The following PCSK5 variants were observed in gnomAD, a reference collection of about 807,000 sequenced individuals.
PCSK5 encodes the protein proprotein convertase subtilisin/kexin type 5.
PCSK5 carries 129 observed loss-of-function variants against 233.2 expected under a neutral mutation model. The observed-to-expected ratio is 0.55, with a 90% CI of 0.48 to 0.64. The LOEUF (loss-of-function observed/expected upper bound fraction) is 0.64, where lower values mean the gene tolerates loss of function less well. Among genes scored for constraint, PCSK5 ranks in the 30% least tolerant of loss-of-function variants. The probability of loss-of-function intolerance (pLI) is 0.00; values close to 1 mark genes in which losing one functional copy is unlikely to be tolerated. For synonymous variants in PCSK5, 825 were observed against 879.2 expected, an observed-to-expected ratio of 0.94 and a Z score of 1.09; for missense variants, 2,076 against 2,430.1, an observed-to-expected ratio of 0.85 and a Z score of 3.06.
Position 76,185,183 on chromosome 9 carries a change from CTCTTA to C in PCSK5, c.2282+432_2282+436del, listed in dbSNP as rs201571845. Among the ~76,000 whole-genome samples, 1,168 of 152,294 alleles carry C rather than the reference CTCTTA, an allele frequency of 7.7e-3. 11 individuals are homozygous for C. Among genetic ancestry groups the C allele is most frequent in the Non-Finnish European group, 0.012 (794 of 68,024 alleles). ...ATTTCTCTCCACATAGCCAATCATTCTCTTATCTTAAGTATCTCAGGCTTGGTTCC... is the reference window on the plus strand; with the variant it reads ...ATTTCTCTCCACATAGCCAATCATTCTCTTAAGTATCTCAGGCTTGGTTCC... On this transcript the variant is annotated intron_variant, in intron 17 of 37. Transcript: ENST00000674117.
At position 76,213,955 on chromosome 9, in the gene PCSK5, C is replaced by CA. The variant is rs1242238747; in HGVS notation, c.2627-13541dup. The stretch of plus-strand genomic sequence containing the variant: ...GCAATCTGATTTGCAGTTCAACAAA[C>CA]AAAAAAATGGAATGAATTCCTCACA... On this transcript the variant is annotated intron_variant, in intron 20 of 37. Transcript: ENST00000674117. 2.6e-5 allele frequency among the ~76,000 whole-genome samples: 4 copies of CA among 151,970 alleles called. No homozygotes were observed. The East Asian group carries it at 5.8e-4, about 22-fold the overall frequency.
chr9:76,251,691 C>CA (rs1434760034), intron 24 of PCSK5, among the ~76,000 whole-genome samples: 1 of 151,782 alleles, frequency 6.6e-6, no homozygotes, highest in Non-Finnish European at 1.5e-5. Context: ...TGAATACTTA[C>CA]TAATGTGCCA....
intron 30 of PCSK5, among the ~76,000 whole-genome samples, chr9:76,314,360 AT>A (rs1228503806): frequency 1.3e-5 from 2 of 150,960 alleles, no homozygotes; most frequent in Non-Finnish European, 2.9e-5. Flanking sequence ...TTATAGCGGA[AT>A]CCCTCATCTT....
Position 75,955,427 on chromosome 9 carries a change from T to C in PCSK5, c.297+22944T>C, listed in dbSNP as rs552547759. ...ACGTGCTTTGTAGTCATTTTTGAAATGATTTAACTAATTTTAAAGAGCTTA... is the reference window on the plus strand; with the variant it reads ...ACGTGCTTTGTAGTCATTTTTGAAACGATTTAACTAATTTTAAAGAGCTTA... On this transcript the variant is annotated intron_variant, in intron 2 of 37. Transcript: ENST00000674117. Among the ~76,000 whole-genome samples, 3 of 152,322 alleles carry C rather than the reference T, an allele frequency of 2.0e-5. No individual in the cohort carries two copies. In the East Asian group the frequency reaches 5.8e-4, roughly 29 times the overall value.
intron 5 of PCSK5, among the ~76,000 whole-genome samples, chr9:76,055,515 T>A (rs1829788442): frequency 6.6e-6 from 1 of 152,192 alleles, no homozygotes; most frequent in South Asian, 2.1e-4. Flanking sequence ...TTAAGATTAT[T>A]ATTATTTCCT....
intron 8 of PCSK5, among the ~76,000 whole-genome samples, chr9:76,103,972 T>TC (rs1428752641): frequency 2.6e-5 from 4 of 152,180 alleles, no homozygotes; most frequent in Non-Finnish European, 4.4e-5. Context: ...ATCTCTGTGT[T>TC]CCCCACCCTA....
rs906144275 is a variant in PCSK5 at position 76,134,417 on chromosome 9, A to G, written c.1312+205A>G. Among the ~76,000 whole-genome samples, 3 of 152,006 alleles carry G rather than the reference A, an allele frequency of 2.0e-5. No homozygotes were observed. In the South Asian group the frequency reaches 6.2e-4, roughly 31 times the overall value. On this transcript the variant is annotated intron_variant, in intron 10 of 37. Transcript: ENST00000674117. Reference sequence around the variant, plus strand: ...ATAAGGGAGATTTCTTTGGCTTCCCACATCATAGGTCAATTTTTTTAAAAG... The same window carrying G: ...ATAAGGGAGATTTCTTTGGCTTCCCGCATCATAGGTCAATTTTTTTAAAAG...
chr9:76,028,301 A>G (rs1274834374), intron 5 of PCSK5, among the ~76,000 whole-genome samples: 1 of 152,206 alleles, frequency 6.6e-6, no homozygotes, highest in Non-Finnish European at 1.5e-5. Flanking sequence ...TTTTACCAAG[A>G]CAGGGGAACT....
At chr9:76,029,416 T>G (rs1014009514) in intron 5 of PCSK5, among the ~76,000 whole-genome samples, 2 of 152,160 alleles carry the variant, frequency 1.3e-5, no homozygotes, top group Admixed American at 1.3e-4. Context: ...ACAACAGGTG[T>G]ACTGTAGTTT....
intron 5 of PCSK5, among the ~76,000 whole-genome samples, chr9:76,038,058 TC>T (rs1254064122): frequency 2.0e-5 from 3 of 152,182 alleles, no homozygotes; most frequent in Non-Finnish European, 4.4e-5. Context: ...TGTGGTGACA[TC>T]CTGAGCTGAG....
chr9:76,155,774 AG>A (rs1822549082), intron 10 of PCSK5, among the ~76,000 whole-genome samples: 1 of 152,228 alleles, frequency 6.6e-6, no homozygotes, highest in Non-Finnish European at 1.5e-5. Flanking sequence ...TTCATTGGTC[AG>A]AGAGTACTTC....
chr9:76,192,712 G>GAAACAAAC (rs3077114), intron 20 of PCSK5, among the ~76,000 whole-genome samples: 12 of 148,086 alleles, frequency 8.1e-5, no homozygotes, highest in Admixed American at 8.1e-4. Flanking sequence ...CATAAGCATG[G>GAAACAAAC]AAACAAAACA....
chr9:75,946,793 T>A (rs1165588665), intron 2 of PCSK5, among the ~76,000 whole-genome samples: 1 of 152,178 alleles, frequency 6.6e-6, no homozygotes, highest in Non-Finnish European at 1.5e-5. Context: ...TTTCACTATG[T>A]TGGCCAGGCT....
intron 26 of PCSK5, 41 bp downstream of exon 26, chr9:76,295,452 A>G (rs1414907652): frequency 6.3e-7 from 1 of 1,599,336 alleles, no homozygotes; most frequent in Non-Finnish European, 8.5e-7. Context: ...AGAACCAGGC[A>G]CTGGAGCTCC....
At chr9:76,067,072 G>A (rs1337390929) in intron 5 of PCSK5, among the ~76,000 whole-genome samples, 2 of 152,144 alleles carry the variant, frequency 1.3e-5, no homozygotes, top group Non-Finnish European at 2.9e-5. Context: ...GCTCAGTCAC[G>A]CTTTAGAATT....
intron 2 of PCSK5, among the ~76,000 whole-genome samples, chr9:75,964,913 A>C (rs577350832): frequency 6.6e-6 from 1 of 152,168 alleles, no homozygotes; most frequent in Non-Finnish European, 1.5e-5. Flanking sequence ...GCATTAATCC[A>C]TATTGGTTCA....
At chr9:76,274,043 T>C (rs1827615789) in intron 24 of PCSK5, among the ~76,000 whole-genome samples, 1 of 151,996 alleles carries the variant, frequency 6.6e-6, no homozygotes, top group Admixed American at 6.6e-5. Flanking sequence ...ATTCTCTCAG[T>C]TATCTCTTCG....
At chr9:75,894,277 G>C (rs575493178) in intron 1 of PCSK5, among the ~76,000 whole-genome samples, 1 of 152,154 alleles carries the variant, frequency 6.6e-6, no homozygotes, top group South Asian at 2.1e-4. Flanking sequence ...CATTTGCTCA[G>C]AATATCAATG....
intron 30 of PCSK5, among the ~76,000 whole-genome samples, chr9:76,311,227 G>A (rs1484086050): frequency 6.6e-6 from 1 of 151,968 alleles, no homozygotes; most frequent in African/African-American, 2.4e-5. Flanking sequence ...ATTAGCCAGT[G>A]GGTGCTGTAG....
Sources: allele counts gnomAD v4.1 joint callset (sites outside exome capture counted in the v4.1 genomes callset), GRCh38; gene constraint gnomAD v4.1.1; transcripts MANE v1.5; gene names NCBI Gene and HGNC (gene_info 2026-07-23, HGNC 2026-07-21).